PLXDC2: variants seen among roughly 807,000 people sequenced by gnomAD.
PLXDC2 encodes plexin domain containing 2, also known as plexin domain-containing protein 2.
A neutral mutation model predicts 68.9 loss-of-function variants in PLXDC2; 40 were observed. The observed-to-expected ratio is 0.58, with a 90% confidence interval of 0.45 to 0.76. The LOEUF (loss-of-function observed/expected upper bound fraction) is 0.76. PLXDC2 is among the 30% of genes least tolerant of loss of function. The pLI, the probability that PLXDC2 is intolerant of heterozygous loss-of-function variation, is 0.00. For synonymous variants in PLXDC2, 243 were observed against 234.2 expected (o/e 1.04, Z -0.34); for missense variants, 644 against 661.9 (o/e 0.97, Z 0.30).
intron 12 of PLXDC2, among the ~76,000 whole-genome samples, chr10:20,235,349 G>C (rs1460055616): frequency 1.3e-5 from 2 of 152,066 alleles, no homozygotes; most frequent in African/African-American, 4.8e-5. Flanking sequence ...ATATTAATGA[G>C]AGTTAATAAT....
chr10:19,894,981 T>C (rs1290251224), intron 1 of PLXDC2, among the ~76,000 whole-genome samples: 6 of 152,188 alleles, frequency 3.9e-5, no homozygotes, highest in Admixed American at 1.3e-4. Context: ...TGCACACATA[T>C]GTTTATTGCG....
At chr10:20,265,197 G>C (rs1291557027) in intron 13 of PLXDC2, among the ~76,000 whole-genome samples, 1 of 152,158 alleles carries the variant, frequency 6.6e-6, no homozygotes, top group African/African-American at 2.4e-5. Context: ...CCATGTGGAG[G>C]AACTCTGCCA....
intron 1 of PLXDC2, among the ~76,000 whole-genome samples, chr10:19,921,869 T>A (rs1270217552): frequency 2.6e-5 from 4 of 152,272 alleles, no homozygotes; most frequent in East Asian, 3.9e-4. Context: ...TTAATTTTTT[T>A]ATTTTTTTGA....
At chr10:20,246,509 C>G (rs1835597469) in intron 13 of PLXDC2, among the ~76,000 whole-genome samples, 1 of 152,150 alleles carries the variant, frequency 6.6e-6, no homozygotes, top group Non-Finnish European at 1.5e-5. Flanking sequence ...ACTACCACAC[C>G]CAGCTAATTT....
intron 2 of PLXDC2, among the ~76,000 whole-genome samples, chr10:20,046,133 T>C (rs1835793457): frequency 6.6e-6 from 1 of 152,108 alleles, no homozygotes; most frequent in Non-Finnish European, 1.5e-5. Context: ...AGAAAAGAAG[T>C]TTGAATTTGT....
chr10:19,959,029 C>T (rs1241683151), intron 1 of PLXDC2, among the ~76,000 whole-genome samples: 1 of 152,136 alleles, frequency 6.6e-6, no homozygotes, highest in Non-Finnish European at 1.5e-5. Flanking sequence ...AAACAGAAAG[C>T]AACATAGTTG....
chr10:20,140,441 CCG>C (rs1833989745), intron 4 of PLXDC2, among the ~76,000 whole-genome samples: 1 of 148,740 alleles, frequency 6.7e-6, no homozygotes, highest in Non-Finnish European at 1.5e-5. Flanking sequence ...ATCTATCTAT[CCG>C]TCTAATCTTT....
intron 7 of PLXDC2, 58 bp from the exon 8 acceptor site, chr10:20,176,941 C>A: frequency 6.4e-6 from 8 of 1,249,384 alleles, no homozygotes; most frequent in Admixed American, 1.8e-5. Flanking sequence ...TATTAAAATG[C>A]TGTTGTTTTG....
At chr10:20,210,817 T>C (rs1835059814) in intron 9 of PLXDC2, among the ~76,000 whole-genome samples, 1 of 152,150 alleles carries the variant, frequency 6.6e-6, no homozygotes, top group African/African-American at 2.4e-5. Flanking sequence ...ATTTCCCCAA[T>C]AACAATGTGC....
rs1347908824 is a variant in PLXDC2, at chr10:20,281,228, C to G, written c.*1409C>G. On this transcript the variant is annotated 3_prime_UTR_variant, in exon 14 of 14. Coordinates refer to ENST00000377252, the MANE Select transcript of PLXDC2 (RefSeq NM_032812.9). ...ATATCGATTGCCTTGGAATCACAAT[C>G]CTGATTTTGAAAATTCCTCATGAAT... The G allele has an allele frequency of 6.6e-6, 1 of 152,078 alleles. No individual in the cohort carries two copies. The highest frequency in any genetic ancestry group is 1.5e-5 in the Non-Finnish European group (1 of 68,008). The allele number at this position is 152,078 out of a possible 1,614,324, so 9.4% of individuals were successfully genotyped here.
At chr10:20,017,450 A>C (rs897973896) in intron 2 of PLXDC2, among the ~76,000 whole-genome samples, 1 of 152,166 alleles carries the variant, frequency 6.6e-6, no homozygotes, top group African/African-American at 2.4e-5. Context: ...TTCCCCTGCG[A>C]TGCGATCAAT....
At chr10:20,140,082 C>T (rs1315319506) in intron 4 of PLXDC2, among the ~76,000 whole-genome samples, 3 of 152,038 alleles carry the variant, frequency 2.0e-5, no homozygotes, top group Non-Finnish European at 2.9e-5. Context: ...AGACAGATCA[C>T]GAGGTCAGGA....
intron 1 of PLXDC2, among the ~76,000 whole-genome samples, chr10:19,960,772 A>T (rs11011701): frequency 0.023 from 3,499 of 152,308 alleles, 135 homozygotes; most frequent in African/African-American, 0.08. Flanking sequence ...TAAACATTTC[A>T]TATTAAAACA....
At chr10:20,089,369 G>A (rs1833246529) in intron 4 of PLXDC2, among the ~76,000 whole-genome samples, 1 of 152,156 alleles carries the variant, frequency 6.6e-6, no homozygotes, top group Non-Finnish European at 1.5e-5. Context: ...AGAAGCTGGG[G>A]AAGGGAATTG....
At chr10:20,044,144 C>T in intron 2 of PLXDC2, among the ~76,000 whole-genome samples, 1 of 137,190 alleles carries the variant, frequency 7.3e-6, no homozygotes. Context: ...CCCTCTCTCT[C>T]TTTTTCCTTC....
intron 4 of PLXDC2, among the ~76,000 whole-genome samples, chr10:20,102,053 C>T (rs922773210): frequency 2.0e-5 from 3 of 152,180 alleles, no homozygotes; most frequent in Non-Finnish European, 2.9e-5. Context: ...CCTCCCGCCT[C>T]GCCTATCAAA....
chr10:19,966,129 CT>C (rs1229045804), intron 1 of PLXDC2, among the ~76,000 whole-genome samples: 2 of 150,338 alleles, frequency 1.3e-5, no homozygotes, highest in Non-Finnish European at 1.5e-5. Context: ...CTTTCTTTCT[CT>C]TTATATATAT....
intron 12 of PLXDC2, among the ~76,000 whole-genome samples, chr10:20,227,397 G>A (rs11011890): frequency 0.24 from 36,137 of 152,086 alleles, 4,318 homozygotes; most frequent in East Asian, 0.26. Flanking sequence ...TCCAAGTTTT[G>A]AAGTATGGGC....
chr10:20,288,710 A>G lies in PLXDC2; in HGVS notation c.*8891A>G, dbSNP rs2119412971. ...AATAAGTCATTAATGTTTTCTTCAC[A>G]CAGCTTCTTAAACCAAGTTTCTCTG... On this transcript the variant is annotated 3_prime_UTR_variant, in exon 14 of 14. Transcript: ENST00000377252. 1 of 152,214 alleles carries G rather than the reference A, an allele frequency of 6.6e-6. No homozygotes were observed. Among genetic ancestry groups the G allele is most frequent in the South Asian group, 2.1e-4 (1 of 4,810 alleles). 9.4% of individuals were successfully genotyped at this position (152,214 alleles called of 1,614,324 possible).
Sources: gnomAD v4.1 joint callset for allele counts (sites outside exome capture counted in the v4.1 genomes callset) on GRCh38, gnomAD v4.1.1 for gene constraint, MANE v1.5 for transcripts, NCBI Gene and HGNC (gene_info 2026-07-23, HGNC 2026-07-21) for gene names.